LANCL2: variants seen among roughly 807,000 people sequenced by gnomAD.
LANCL2 encodes the protein lanC-like protein 2.
A neutral mutation model predicts 56.9 loss-of-function variants in LANCL2; 33 were observed. The observed-to-expected ratio is 0.58, with a 90% CI of 0.44 to 0.78. The LOEUF is 0.78. LANCL2 is among the 30% of genes least tolerant of loss of function. The pLI is 0.00. For synonymous variants in LANCL2, 233 were observed against 228.2 expected (o/e 1.02, Z -0.19); for missense variants, 562 against 580.2 (o/e 0.97, Z 0.32).
rs755046284 is a variant in LANCL2, at chr7:55,401,204, A to T, written c.709A>T (p.Thr237Ser). 1 of 1,614,110 alleles carries T rather than the reference A, an allele frequency of 6.2e-7. No homozygotes were observed. The highest frequency in any genetic ancestry group is 8.5e-7 in the Non-Finnish European group (1 of 1,179,998). The change falls in exon 5 of 9, where the codon ACT becomes TCT. Residue 237 changes from threonine (T) to serine (S), a missense_variant. Thr to Ser is a moderately conservative substitution (Grantham distance 58, BLOSUM62 1). This residue lies in a region of LANCL2 where 378 missense variants were observed against 468.4 expected (regional missense o/e 0.81). Coordinates refer to ENST00000254770, the MANE Select transcript of LANCL2 (RefSeq NM_018697.4). ...VVNAIIESGK[T>S]LSREERKTER... Reference sequence around the variant, plus strand: ...CAATGCTATTATTGAATCGGGTAAGACTTTGTCAAGGGAAGAAAGAAAAAC... The same window carrying T: ...CAATGCTATTATTGAATCGGGTAAGTCTTTGTCAAGGGAAGAAAGAAAAAC...
Position 55,401,209 on chromosome 7 carries a change from G to A in LANCL2, c.714G>A (p.Leu238=), listed in dbSNP as rs1428006919. Reference sequence around the variant, plus strand: ...CTATTATTGAATCGGGTAAGACTTTGTCAAGGGAAGAAAGAAAAACGGAGC... The same window carrying A: ...CTATTATTGAATCGGGTAAGACTTTATCAAGGGAAGAAAGAAAAACGGAGC... The part of the protein sequence containing the change: ...VNAIIESGKT[L]SREERKTERC... Residue 238 remains leucine, a synonymous_variant, in exon 5 of 9, where the codon TTG becomes TTA. Transcript: ENST00000254770. The A allele has an allele frequency of 6.2e-7, 1 of 1,614,134 alleles. No homozygotes were observed. Among genetic ancestry groups the A allele is most frequent in the Non-Finnish European group, 8.5e-7 (1 of 1,180,002 alleles).
intron 6 of LANCL2, among the ~76,000 whole-genome samples, chr7:55,421,929 A>G (rs1232326321): frequency 6.6e-6 from 1 of 152,114 alleles, no homozygotes; most frequent in Non-Finnish European, 1.5e-5. Context: ...CAGGGTCCTC[A>G]CTATGTTGCC....
At chr7:55,394,170 T>C (rs1484814752) in intron 2 of LANCL2, 4 of 152,214 alleles carry the variant, frequency 2.6e-5, no homozygotes, top group Non-Finnish European at 1.5e-5. Flanking sequence ...TCTTTAGGAA[T>C]CATCATGGAA....
chr7:55,374,769 G>T (rs956976310), intron 1 of LANCL2, among the ~76,000 whole-genome samples: 7 of 152,092 alleles, frequency 4.6e-5, no homozygotes, highest in African/African-American at 1.7e-4. Flanking sequence ...TCAGCAGAAG[G>T]GTTTGTTAAA....
chr7:55,377,770 A>G (rs1790019619), intron 1 of LANCL2, among the ~76,000 whole-genome samples: 1 of 152,232 alleles, frequency 6.6e-6, no homozygotes, highest in Non-Finnish European at 1.5e-5. Flanking sequence ...TCCCGATTGC[A>G]ATGTAATTGC....
intron 6 of LANCL2, among the ~76,000 whole-genome samples, chr7:55,416,981 T>G (rs13236090): frequency 1.1e-3 from 78 of 71,188 alleles, no homozygotes; most frequent in East Asian, 1.6e-3. Flanking sequence ...TTTTTTTTTT[T>G]TTTTTTTTTT....
chr7:55,391,620 T>TAA (rs1259328540), intron 1 of LANCL2, among the ~76,000 whole-genome samples, 173 bp from the exon 2 acceptor site: 1 of 152,098 alleles, frequency 6.6e-6, no homozygotes, highest in Non-Finnish European at 1.5e-5. Context: ...ATTATCTCAT[T>TAA]AAAAAAAGTA....
At chr7:55,409,072 T>C (rs1414544977) in intron 5 of LANCL2, among the ~76,000 whole-genome samples, 1 of 151,484 alleles carries the variant, frequency 6.6e-6, no homozygotes, top group African/African-American at 2.4e-5. Flanking sequence ...AGCTAAAAGA[T>C]AAATGGAAAT....
rs369853842 is a variant in LANCL2, at chr7:55,385,575, G to T, written c.205-6218G>T. ...TTTTTATTAGGGAGTTTCAAAAGGG[G>T]AGGGGGTATACGAATAGGTGTGGGT... On this transcript the variant is annotated intron_variant, in intron 1 of 8. Transcript: ENST00000254770. Among the ~76,000 whole-genome samples the T allele has an allele frequency of 4.5e-3, 686 of 152,312 alleles. 4 individuals are homozygous for T. Among genetic ancestry groups the T allele is most frequent in the Middle Eastern group, 0.02 (6 of 294 alleles).
At chr7:55,371,612 C>T (rs959238695) in intron 1 of LANCL2, among the ~76,000 whole-genome samples, 3 of 152,126 alleles carry the variant, frequency 2.0e-5, no homozygotes, top group Non-Finnish European at 4.4e-5. Context: ...TTGCTATGGC[C>T]GGTGTCCAGG....
At chr7:55,395,151 C>A (rs754812591) in intron 2 of LANCL2, among the ~76,000 whole-genome samples, 4 of 152,110 alleles carry the variant, frequency 2.6e-5, no homozygotes, top group Non-Finnish European at 5.9e-5. Flanking sequence ...ACCATTTTCC[C>A]CTTCCAGGGA....
Position 55,399,988 on chromosome 7 carries a change from C to G in LANCL2, c.562C>G (p.Gln188Glu). Reference protein sequence around the residue: ...LLQLQRSVVCQESDLPDELLY... With the variant: ...LLQLQRSVVCEESDLPDELLY... The stretch of plus-strand genomic sequence containing the variant: ...GCAGCTCCAGAGATCGGTTGTCTGC[C>G]AAGAATCAGACCTTCCTGATGAGCT... The change falls in exon 4 of 9, where the codon CAA (glutamine) becomes GAA (glutamate). Residue 188 changes from glutamine to glutamate, a missense_variant. This residue lies in a region of LANCL2 where 378 missense variants were observed against 468.4 expected (regional missense o/e 0.81). Coordinates refer to ENST00000254770, the MANE Select transcript of LANCL2 (RefSeq NM_018697.4). The G allele has an allele frequency of 6.2e-7, 1 of 1,613,162 alleles. No homozygotes were observed. Among genetic ancestry groups the G allele is most frequent in the East Asian group, 2.2e-5 (1 of 44,858 alleles).
rs753165617 is a variant in LANCL2 at position 55,398,522 on chromosome 7, A to G, written c.422A>G (p.Asn141Ser). The G allele has an allele frequency of 1.7e-5, 28 of 1,614,088 alleles. No homozygotes were observed. The highest frequency in any genetic ancestry group is 2.3e-5 in the Non-Finnish European group (27 of 1,180,038). ...DYVKRTLRNL[N>S]GRRVTFLCGD... ...GTAAAAAGAACACTTCGGAATCTGA[A>G]TGGCCGCAGGGTCACCTTCCTCTGT... Residue 141 changes from asparagine (N) to serine (S), a missense_variant, in exon 3 of 9, where the codon AAT becomes AGT. Asn to Ser is a conservative substitution (Grantham distance 46). Around this residue, in one of 2 missense-constraint regions of LANCL2, gnomAD observed 378 missense variants for 468.4 expected, o/e 0.81. Transcript: ENST00000254770.
intron 1 of LANCL2, among the ~76,000 whole-genome samples, chr7:55,381,494 G>A (rs1168195897): frequency 1.3e-5 from 2 of 152,198 alleles, no homozygotes; most frequent in Admixed American, 6.5e-5. Context: ...AAATTGAGAG[G>A]AGAGCTGCTG....
chr7:55,423,376 C>A (rs549801676), intron 6 of LANCL2, among the ~76,000 whole-genome samples: 1 of 152,188 alleles, frequency 6.6e-6, no homozygotes, highest in Admixed American at 6.5e-5. Flanking sequence ...CCATCACTCA[C>A]CCAGGCTCCA....
intron 7 of LANCL2, among the ~76,000 whole-genome samples, chr7:55,425,668 G>C (rs1464589595): frequency 6.6e-6 from 1 of 152,190 alleles, no homozygotes; most frequent in Non-Finnish European, 1.5e-5. Context: ...GAGTCACTAC[G>C]TGATGAGAAT....
chr7:55,418,836 G>A (rs938823719), intron 6 of LANCL2, among the ~76,000 whole-genome samples: 8 of 152,000 alleles, frequency 5.3e-5, no homozygotes, highest in Admixed American at 1.3e-4. Flanking sequence ...AAGGGATGTT[G>A]AATTTTGTCA....
At position 55,366,100 on chromosome 7, in the gene LANCL2, C is replaced by T. The variant is rs1007935465; in HGVS notation, c.75C>T (p.Val25=). The change falls in exon 1 of 9, where the codon GTC becomes GTT. Residue 25 remains valine (V), a synonymous_variant. Transcript: ENST00000254770. ...CAGAAATGGAGGAACGGGCGTTCGT[C>T]AACCCCTTCCCGGACTACGAGGCCG... is the stretch of plus-strand genomic sequence containing the variant. The part of the protein sequence containing the change: ...GEAEMEERAF[V]NPFPDYEAAA... 4.5e-6 allele frequency: 7 copies of T among 1,539,468 alleles called. No homozygotes were observed. The highest frequency in any genetic ancestry group is 4.2e-5 in the African/African-American group (3 of 71,598).
chr7:55,427,187 C>G (rs1214700942), intron 7 of LANCL2, among the ~76,000 whole-genome samples: 1 of 152,218 alleles, frequency 6.6e-6, no homozygotes, highest in Non-Finnish European at 1.5e-5. Flanking sequence ...GCCAGTAGTT[C>G]TCAACCTTGT....
Sources: allele counts gnomAD v4.1 joint callset (sites outside exome capture counted in the v4.1 genomes callset), GRCh38; gene constraint gnomAD v4.1.1; regional missense constraint gnomAD v4.1.1; transcripts MANE v1.5; gene names NCBI Gene and HGNC (gene_info 2026-07-23, HGNC 2026-07-21).